The following RBFOX1 variants were observed in gnomAD, a reference collection of about 807,000 sequenced individuals.
RBFOX1 encodes RNA binding fox-1 homolog 1.
Under a neutral mutation model 57.7 loss-of-function variants are expected in RBFOX1, and 8 were observed. The observed-to-expected ratio is 0.14, with a 90% confidence interval of 0.08 to 0.25. The LOEUF is 0.25. Ranked by LOEUF, RBFOX1 falls within the 10% of genes least tolerant of loss-of-function variation. RBFOX1 has a pLI of 1.00. For synonymous variants in RBFOX1, 326 were observed against 222.4 expected (o/e 1.47, Z -4.15); for missense variants, 611 against 548.5 (o/e 1.11, Z -1.14).
At chr16:7,478,009 T>G (rs1337335186) in intron 4 of RBFOX1, among the ~76,000 whole-genome samples, 1 of 152,228 alleles carries the variant, frequency 6.6e-6, no homozygotes, top group East Asian at 1.9e-4. Context: ...CCTCCTTCTC[T>G]CTACACTGTT....
rs2097179421 is a variant in RBFOX1, at chr16:7,354,414, C to A, written c.28-163733C>A. 2.6e-5 allele frequency among the ~76,000 whole-genome samples: 4 copies of A among 152,056 alleles called. No individual in the cohort carries two copies. In the South Asian group the frequency reaches 8.3e-4, roughly 32 times the overall value. On this transcript the variant is annotated intron_variant, in intron 4 of 15. Transcript: ENST00000550418. ...TTGCTGTATTCAAGGCCTGTTTTCC[C>A]TCAGGAAATAAAACAGAGGTTGGAA...
intron 3 of RBFOX1, among the ~76,000 whole-genome samples, chr16:6,754,839 A>T (rs1603555397): frequency 6.6e-6 from 1 of 152,002 alleles, no homozygotes; most frequent in Non-Finnish European, 1.5e-5. Flanking sequence ...TATCTCCTAA[A>T]GCTATCCCTC....
intron 1 of RBFOX1, among the ~76,000 whole-genome samples, chr16:6,041,684 G>A (rs1032954632): frequency 1.3e-5 from 2 of 152,074 alleles, no homozygotes; most frequent in African/African-American, 4.8e-5. Context: ...TTTAGTGTAA[G>A]GGGAAGTCTT....
At chr16:7,513,141 T>A (rs1030394823) in intron 4 of RBFOX1, among the ~76,000 whole-genome samples, 1 of 152,024 alleles carries the variant, frequency 6.6e-6, no homozygotes, top group African/African-American at 2.4e-5. Flanking sequence ...CGGGTGCCTG[T>A]AATCCTAGCT....
chr16:6,986,515 C>T (rs907546900), intron 3 of RBFOX1, among the ~76,000 whole-genome samples: 1 of 152,174 alleles, frequency 6.6e-6, no homozygotes. Context: ...TGGTTTTGAA[C>T]TCATGGGCTC....
chr16:5,707,528 G>A (rs1049213951), intron 3 of RBFOX1, among the ~76,000 whole-genome samples: 6 of 152,132 alleles, frequency 3.9e-5, no homozygotes, highest in Admixed American at 1.3e-4. Context: ...CATCTGCAAG[G>A]AACTCAGAGA....
At position 6,687,257 on chromosome 16, in the gene RBFOX1, G is replaced by C. The variant is rs149439483; in HGVS notation, c.-16+32607G>C. Among the ~76,000 whole-genome samples the C allele has an allele frequency of 6.3e-3, 959 of 152,230 alleles. 12 individuals are homozygous for C. The highest frequency in any genetic ancestry group is 0.022 in the African/African-American group (912 of 41,544). Reference sequence around the variant, plus strand: ...CTATGACTCTGCAGAGGCACACAGAGTGATATAATCGACTTTGGATACTCA... The same window carrying C: ...CTATGACTCTGCAGAGGCACACAGACTGATATAATCGACTTTGGATACTCA... On this transcript the variant is annotated intron_variant, in intron 3 of 15. Transcript: ENST00000550418.
At chr16:6,385,939 C>CT (rs763480257) in intron 2 of RBFOX1, among the ~76,000 whole-genome samples, 2,962 of 71,346 alleles carry the variant, frequency 0.042, 48 homozygotes, top group Middle Eastern at 0.14. Flanking sequence ...TTTTTTCTTT[C>CT]TTTTTTTTTT....
intron 4 of RBFOX1, among the ~76,000 whole-genome samples, chr16:7,086,393 A>C (rs868730563): frequency 6.6e-6 from 1 of 152,150 alleles, no homozygotes; most frequent in African/African-American, 2.4e-5. Flanking sequence ...TTTTAATATT[A>C]ATTTCTTCTT....
At chr16:6,990,045 A>G (rs558537594) in intron 3 of RBFOX1, among the ~76,000 whole-genome samples, 1 of 152,248 alleles carries the variant, frequency 6.6e-6, no homozygotes, top group East Asian at 1.9e-4. Context: ...TTGAAATATG[A>G]TTTAGCTCCC....
chr16:6,390,933 C>T (rs935066112), intron 2 of RBFOX1, among the ~76,000 whole-genome samples: 1 of 152,138 alleles, frequency 6.6e-6, no homozygotes, highest in Non-Finnish European at 1.5e-5. Context: ...TTCTCAACCT[C>T]AGCACTACTG....
intron 4 of RBFOX1, among the ~76,000 whole-genome samples, chr16:7,425,996 C>T (rs569579986): frequency 5.9e-5 from 9 of 152,196 alleles, no homozygotes; most frequent in Non-Finnish European, 1.0e-4. Context: ...CATTGGTGTT[C>T]ATTTGTTCAA....
intron 2 of RBFOX1, among the ~76,000 whole-genome samples, chr16:6,429,961 A>G (rs2094030982): frequency 6.6e-6 from 1 of 152,080 alleles, no homozygotes; most frequent in South Asian, 2.1e-4. Context: ...ATACAAAATT[A>G]GCCAGGTATG....
chr16:5,318,904 G>C (rs900095908), intron 1 of RBFOX1, among the ~76,000 whole-genome samples: 2 of 152,014 alleles, frequency 1.3e-5, no homozygotes, highest in African/African-American at 4.8e-5. Flanking sequence ...AGGCTGAGGC[G>C]GGCAGATGAT....
intron 4 of RBFOX1, among the ~76,000 whole-genome samples, chr16:7,180,363 C>G (rs1482865343): frequency 1.3e-5 from 2 of 152,102 alleles, no homozygotes; most frequent in African/African-American, 4.8e-5. Context: ...ATACCACACA[C>G]AAGAAAGGGA....
chr16:6,921,466 G>C (rs11077110), intron 3 of RBFOX1, among the ~76,000 whole-genome samples: 30,741 of 151,888 alleles, frequency 0.2, 3,158 homozygotes, highest in African/African-American at 0.23. Context: ...CTGACTGTTG[G>C]CCATAAACCA....
chr16:7,363,036 G>C (rs1186486059), intron 4 of RBFOX1, among the ~76,000 whole-genome samples: 2 of 152,192 alleles, frequency 1.3e-5, no homozygotes, highest in Non-Finnish European at 2.9e-5. Context: ...TAAGCAGGAT[G>C]GCCTGTAAAT....
At chr16:7,592,183 C>A (rs1312490484) in intron 7 of RBFOX1, among the ~76,000 whole-genome samples, 2 of 151,956 alleles carry the variant, frequency 1.3e-5, no homozygotes, top group Middle Eastern at 3.2e-3. Flanking sequence ...TACCAAGTAG[C>A]TGACAAGCAA....
intron 2 of RBFOX1, among the ~76,000 whole-genome samples, chr16:6,449,624 A>G (rs1156295642): frequency 6.6e-6 from 1 of 152,212 alleles, no homozygotes. Context: ...AGTGGTATCA[A>G]AGGAAAAGTC....
Sources: gnomAD v4.1 joint callset for allele counts (sites outside exome capture counted in the v4.1 genomes callset) on GRCh38, gnomAD v4.1.1 for gene constraint, MANE v1.5 for transcripts, NCBI Gene and HGNC (gene_info 2026-07-23, HGNC 2026-07-21) for gene names.